TGFBR2: variants seen among roughly 807,000 people sequenced by gnomAD.
The protein encoded by TGFBR2 is transforming growth factor beta receptor 2.
TGFBR2 carries 18 observed loss-of-function variants against 49.0 expected under a neutral mutation model. That is an observed-to-expected ratio of 0.37 (90% CI 0.25 to 0.54). TGFBR2 has a LOEUF of 0.54. TGFBR2 is among the 20% of genes least tolerant of loss of function. TGFBR2 has a pLI of 0.85. For synonymous variants in TGFBR2, 282 were observed against 275.9 expected (o/e 1.02, Z -0.22); for missense variants, 525 against 722.6 (o/e 0.73, Z 3.13).
At chr3:30,663,803 A>G (rs1699189835) in intron 3 of TGFBR2, among the ~76,000 whole-genome samples, 1 of 152,128 alleles carries the variant, frequency 6.6e-6, no homozygotes, top group African/African-American at 2.4e-5. Context: ...TAAGCCAGAC[A>G]CTTGTTTTAT....
chr3:30,646,285 C>G (rs899573431), intron 2 of TGFBR2, among the ~76,000 whole-genome samples: 1 of 152,174 alleles, frequency 6.6e-6, no homozygotes, highest in African/African-American at 2.4e-5. Context: ...TCATGACATA[C>G]TTGCCAATAT....
At position 30,621,278 on chromosome 3, in the gene TGFBR2, C is replaced by CTTTT. The variant is rs10688941; in HGVS notation, c.94+14317_94+14320dup. Among the ~76,000 whole-genome samples, 340 of 116,234 alleles carry CTTTT rather than the reference C, an allele frequency of 2.9e-3. 10 individuals carry two copies. Among genetic ancestry groups the CTTTT allele is most frequent in the African/African-American group, 3.2e-3 (97 of 29,892 alleles). The allele number at this position is 116,234 out of a possible 152,430, so 76.3% of individuals were successfully genotyped here. Reference sequence around the variant, plus strand: ...GAGATGAAATAAGAATTTTAATATTCTTTTTTTTTTTTTTTTTTTGAGACA... The same window carrying CTTTT: ...GAGATGAAATAAGAATTTTAATATTCTTTTTTTTTTTTTTTTTTTTTTTGAGACA... On this transcript the variant is annotated intron_variant, in intron 1 of 6. Coordinates refer to ENST00000295754, the MANE Select transcript of TGFBR2 (RefSeq NM_003242.6).
intron 3 of TGFBR2, among the ~76,000 whole-genome samples, chr3:30,667,745 A>C (rs1699268993): frequency 6.6e-6 from 1 of 152,234 alleles, no homozygotes; most frequent in Admixed American, 6.5e-5. Context: ...ATGATGAATC[A>C]ACATTTCATC....
intron 3 of TGFBR2, among the ~76,000 whole-genome samples, chr3:30,660,026 C>T (rs572739911): frequency 3.3e-5 from 5 of 152,258 alleles, no homozygotes; most frequent in South Asian, 2.1e-4. Flanking sequence ...TATTCTAAAT[C>T]GCTCCTGCAT....
At chr3:30,652,274 G>A (rs1255859435) in intron 3 of TGFBR2, among the ~76,000 whole-genome samples, 6 of 118,164 alleles carry the variant, frequency 5.1e-5, no homozygotes, top group Non-Finnish European at 8.0e-5. Context: ...TCACTCTGTC[G>A]CCCAGGCTGG....
intron 6 of TGFBR2, among the ~76,000 whole-genome samples, chr3:30,690,739 GA>G (rs1348310079): frequency 6.6e-6 from 1 of 152,186 alleles, no homozygotes; most frequent in Non-Finnish European, 1.5e-5. Flanking sequence ...TGGAGGGAGG[GA>G]TGAATAAGTG....
chr3:30,626,451 C>G (rs1208323714), intron 1 of TGFBR2: 1 of 152,358 alleles, frequency 6.6e-6, no homozygotes, highest in Non-Finnish European at 1.5e-5. Context: ...AGAGAAAACA[C>G]TTGACCTGGG....
chr3:30,609,161 A>G (rs1174823704), intron 1 of TGFBR2, among the ~76,000 whole-genome samples: 1 of 152,218 alleles, frequency 6.6e-6, no homozygotes, highest in Non-Finnish European at 1.5e-5. Flanking sequence ...AAGTTTCAAA[A>G]TGGTTGAATT....
intron 3 of TGFBR2, chr3:30,661,583 C>A: frequency 1.9e-6 from 1 of 516,310 alleles, no homozygotes; most frequent in Non-Finnish European, 3.9e-6. Context: ...CAAAGGAGCA[C>A]TTGTCAAAAC....
intron 3 of TGFBR2, among the ~76,000 whole-genome samples, chr3:30,669,576 A>G (rs531492611): frequency 6.6e-6 from 1 of 152,218 alleles, no homozygotes; most frequent in Non-Finnish European, 1.5e-5. Context: ...TACATAGTGC[A>G]TGGGGAAGAC....
chr3:30,613,546 GAGAGAA>G (rs1224430279), intron 1 of TGFBR2, among the ~76,000 whole-genome samples: 1 of 150,032 alleles, frequency 6.7e-6, no homozygotes, highest in Admixed American at 6.6e-5. Flanking sequence ...GAGAGAGAGA[GAGAGAA>G]AGAGAGAGAG....
At chr3:30,650,717 A>C (rs909192422) in intron 3 of TGFBR2, among the ~76,000 whole-genome samples, 12 of 152,174 alleles carry the variant, frequency 7.9e-5, no homozygotes, top group Non-Finnish European at 2.9e-5. Context: ...GTGTTTCTCA[A>C]AGTGCGGCCT....
chr3:30,650,211 A>C, intron 2 of TGFBR2, 59 bp from the exon 3 acceptor site: 1 of 1,556,110 alleles, frequency 6.4e-7, no homozygotes, highest in South Asian at 1.1e-5. Flanking sequence ...CATATTATTC[A>C]TTTATTCTCT....
At chr3:30,622,634 C>T (rs1698250517) in intron 1 of TGFBR2, among the ~76,000 whole-genome samples, 1 of 151,956 alleles carries the variant, frequency 6.6e-6, no homozygotes, top group African/African-American at 2.4e-5. Flanking sequence ...GTAATCCCAG[C>T]ACTTTGGGAG....
rs147385125 is a variant in TGFBR2 at position 30,647,306 on chromosome 3, A to G, written c.263+2391A>G. On this transcript the variant is annotated intron_variant, in intron 2 of 6. Coordinates refer to ENST00000295754, the MANE Select transcript of TGFBR2 (RefSeq NM_003242.6). ...ATCCCATTTTCAGAGTTTCCAAGGC[A>G]TTCACTGAGGCCTTTGCTGCAACCT... is the stretch of plus-strand genomic sequence containing the variant. 3.0e-4 allele frequency among the ~76,000 whole-genome samples: 46 copies of G among 152,302 alleles called. No homozygotes were observed. The East Asian group carries it at 8.7e-3, about 29-fold the overall frequency.
chr3:30,628,609 A>T (rs1698381407), intron 1 of TGFBR2, among the ~76,000 whole-genome samples: 1 of 133,024 alleles, frequency 7.5e-6, no homozygotes, highest in African/African-American at 3.0e-5. Flanking sequence ...CTGGAAACTT[A>T]ATCTGTGTGC....
chr3:30,631,187 C>T (rs1029036778), intron 1 of TGFBR2, among the ~76,000 whole-genome samples: 3 of 151,850 alleles, frequency 2.0e-5, no homozygotes, highest in East Asian at 1.9e-4. Context: ...ACTACAGGCA[C>T]GCACCATCAA....
chr3:30,652,229 G>GTTTTTTTTTTTTTTTTTTTTTTTTTTTTT lies in TGFBR2; in HGVS notation c.454+1771_454+1772insTTTTTTTTTTTTTTTTTTTTTTTTTTTTT, dbSNP rs1204611735. Among the ~76,000 whole-genome samples the GTTTTTTTTTTTTTTTTTTTTTTTTTTTTT allele has an allele frequency of 2.4e-5, 2 of 81,860 alleles. 1 individual carries two copies. Among genetic ancestry groups the GTTTTTTTTTTTTTTTTTTTTTTTTTTTTT allele is most frequent in the African/African-American group, 9.8e-5 (2 of 20,378 alleles). 53.7% of individuals were successfully genotyped at this position (81,860 alleles called of 152,430 possible). A position where few individuals can be genotyped will look rare whatever the true frequency, so the allele number is the denominator to read the frequency against. ...TCCATTTCTCTCGTTTTCTTTTCTG[G>GTTTTTTTTTTTTTTTTTTTTTTTTTTTTT]TTGTTTTTTTTTTTTTTTTTTTTTT... On this transcript the variant is annotated intron_variant, in intron 3 of 6. Coordinates refer to ENST00000295754, the MANE Select transcript of TGFBR2 (RefSeq NM_003242.6).
At chr3:30,666,532 G>C (rs1263841197) in intron 3 of TGFBR2, among the ~76,000 whole-genome samples, 1 of 152,062 alleles carries the variant, frequency 6.6e-6, no homozygotes, top group Non-Finnish European at 1.5e-5. Context: ...TCAGTCGGTG[G>C]ATGGCTGTAA....
Sources: gnomAD v4.1 joint callset for allele counts (sites outside exome capture counted in the v4.1 genomes callset) on GRCh38, gnomAD v4.1.1 for gene constraint, MANE v1.5 for transcripts, NCBI Gene and HGNC (gene_info 2026-07-23, HGNC 2026-07-21) for gene names.